UBAP2L: variants seen among roughly 807,000 people sequenced by gnomAD.
The protein encoded by UBAP2L is ubiquitin-associated protein 2-like.
Under a neutral mutation model 130.6 loss-of-function variants are expected in UBAP2L, and 12 were observed. The ratio of observed to expected loss-of-function variants is 0.09; its 90% CI spans 0.06 to 0.15. UBAP2L has a LOEUF of 0.15. Ranked by LOEUF, UBAP2L falls within the 10% of genes least tolerant of loss-of-function variation. UBAP2L has a pLI of 1.00. For missense variants in UBAP2L, 965 were observed against 1,332.5 expected (o/e 0.72, Z 4.29); for synonymous variants, 503 against 524.7 (o/e 0.96, Z 0.57).
At chr1:154,236,653 A>G (rs1317822745) in intron 7 of UBAP2L, 42 bp downstream of exon 7, 1 of 1,609,782 alleles carries the variant, frequency 6.2e-7, no homozygotes, top group Admixed American at 1.7e-5. Flanking sequence ...TTTTCCCTTA[A>G]AAATTACTGT....
At position 154,255,205 on chromosome 1, in the gene UBAP2L, C is replaced by G. The variant is rs1414303060; in HGVS notation, c.1963C>G (p.Pro655Ala). ...SDSPSTSSIP[P>A]LNETVSAASL... Reference sequence around the variant, plus strand: ...TTCACCTTCCACTTCTAGCATCCCCCCTCTCAATGAAACGGTATCTGCAGC... The same window carrying G: ...TTCACCTTCCACTTCTAGCATCCCCGCTCTCAATGAAACGGTATCTGCAGC... The change falls in exon 17 of 27, where the codon CCT becomes GCT. Residue 655 changes from proline (P) to alanine (A), a missense_variant. By Grantham distance (27) the Pro-to-Ala change is conservative (BLOSUM62 -1). Transcript: ENST00000428931. The G allele has an allele frequency of 1.2e-6, 2 of 1,614,056 alleles. No homozygotes were observed. Among genetic ancestry groups the G allele is most frequent in the African/African-American group, 2.7e-5 (2 of 74,922 alleles).
intron 3 of UBAP2L, among the ~76,000 whole-genome samples, chr1:154,228,132 G>A (rs997744215): frequency 2.6e-5 from 4 of 151,692 alleles, no homozygotes; most frequent in Admixed American, 6.6e-5. Flanking sequence ...GGTTGGGGGG[G>A]TGGTTCTGGA....
At chr1:154,258,010 G>T (rs1251484115) in intron 20 of UBAP2L, among the ~76,000 whole-genome samples, 1 of 152,094 alleles carries the variant, frequency 6.6e-6, no homozygotes, top group Non-Finnish European at 1.5e-5. Context: ...TTTTACCCAG[G>T]TTGGAGTACA....
chr1:154,244,760 C>G (rs557489758), intron 10 of UBAP2L, among the ~76,000 whole-genome samples: 1 of 152,268 alleles, frequency 6.6e-6, no homozygotes, highest in South Asian at 2.1e-4. Context: ...ACACAACCTC[C>G]TTGTCCTCTG....
chr1:154,237,760 T>C (rs376443614), intron 8 of UBAP2L, among the ~76,000 whole-genome samples: 1 of 152,186 alleles, frequency 6.6e-6, no homozygotes, highest in East Asian at 1.9e-4. Flanking sequence ...TGTGATGGAG[T>C]ATTCAGGGTT....
At chr1:154,235,115 T>TA (rs1452403287) in intron 5 of UBAP2L, 81 bp from the exon 6 acceptor site, 8 of 688,050 alleles carry the variant, frequency 1.2e-5, no homozygotes, top group Non-Finnish European at 2.1e-5. Flanking sequence ...TATTTGTATA[T>TA]ATCCTGTTGA....
chr1:154,252,179 T>G (rs1030226490), intron 14 of UBAP2L, among the ~76,000 whole-genome samples: 1 of 151,884 alleles, frequency 6.6e-6, no homozygotes, highest in African/African-American at 2.4e-5. Context: ...TTTACCATGT[T>G]GGCCAGGCTG....
At chr1:154,237,441 T>TGA (rs1335618373) in intron 8 of UBAP2L, among the ~76,000 whole-genome samples, 1 of 152,216 alleles carries the variant, frequency 6.6e-6, no homozygotes, top group Non-Finnish European at 1.5e-5. Context: ...AACTCAGCAT[T>TGA]GTTTGACCCT....
At chr1:154,245,776 C>A (rs955896429) in intron 10 of UBAP2L, among the ~76,000 whole-genome samples, 1 of 151,936 alleles carries the variant, frequency 6.6e-6, no homozygotes, top group Non-Finnish European at 1.5e-5. Flanking sequence ...AAAAATTAGC[C>A]GGGCGTGGTG....
rs770312165 is a variant in UBAP2L at position 154,255,668 on chromosome 1, C to T, written c.2085-15C>T. The T allele has an allele frequency of 6.2e-7, 1 of 1,614,054 alleles. No individual in the cohort carries two copies. Among genetic ancestry groups the T allele is most frequent in the Non-Finnish European group, 8.5e-7 (1 of 1,179,968 alleles). On this transcript the variant is annotated splice_polypyrimidine_tract_variant and intron_variant, in intron 17 of 26. Coordinates refer to ENST00000428931, the MANE Select transcript of UBAP2L (RefSeq NM_014847.4). Reference sequence around the variant, plus strand: ...ATAGCACTATGGCTGATGGCAGCCTCTTTTTTTCTGACAGCACGTTATCTA... The same window carrying T: ...ATAGCACTATGGCTGATGGCAGCCTTTTTTTTTCTGACAGCACGTTATCTA...
At chr1:154,234,958 C>T (rs1176479024) in intron 5 of UBAP2L, among the ~76,000 whole-genome samples, 199 bp downstream of exon 5, 2 of 152,094 alleles carry the variant, frequency 1.3e-5, no homozygotes, top group East Asian at 3.9e-4. Context: ...ATGAGATTAC[C>T]CTGTAGTCAT....
chr1:154,231,522 A>G (rs1231197337), intron 4 of UBAP2L, among the ~76,000 whole-genome samples: 1 of 152,006 alleles, frequency 6.6e-6, no homozygotes, highest in Non-Finnish European at 1.5e-5. Context: ...GATGGTCTCT[A>G]ACTCCTGGCC....
chr1:154,254,535 T>C, intron 15 of UBAP2L: 1 of 497,128 alleles, frequency 2.0e-6, no homozygotes, highest in Non-Finnish European at 3.5e-6. Flanking sequence ...AATCACTGGA[T>C]GTGGACTTTG....
intron 20 of UBAP2L, chr1:154,258,670 A>G (rs1180190436): frequency 4.5e-6 from 1 of 221,460 alleles, no homozygotes; most frequent in Non-Finnish European, 9.0e-6. Flanking sequence ...AGAGACAGAG[A>G]CTTGTAGAAT....
intron 24 of UBAP2L, among the ~76,000 whole-genome samples, chr1:154,264,383 G>C (rs1478453998): frequency 6.6e-6 from 1 of 152,180 alleles, no homozygotes; most frequent in Non-Finnish European, 1.5e-5. Flanking sequence ...TAAGTAGGGG[G>C]TGTTGATGTT....
At chr1:154,231,501 A>T (rs1163204395) in intron 4 of UBAP2L, among the ~76,000 whole-genome samples, 1 of 151,884 alleles carries the variant, frequency 6.6e-6, no homozygotes, top group Non-Finnish European at 1.5e-5. Flanking sequence ...GGGTTTTGCC[A>T]TGTTGCCTAG....
At position 154,249,266 on chromosome 1, in the gene UBAP2L, G is replaced by T. The variant is rs760159190; in HGVS notation, c.1042G>T (p.Asp348Tyr). ...GAGCATGTTAGGGAAAGGATTTGGT[G>T]ATGTCGGTGAAGCTAAAGGCGGCAG... ...MVSMLGKGFG[D>Y]VGEAKGGSTT... Residue 348 changes from aspartate (D) to tyrosine (Y), a missense_variant, in exon 12 of 27, where the codon GAT becomes TAT. Physicochemically the swap from Asp to Tyr is radical, Grantham distance 160 (BLOSUM62 -3). Around this residue, in one of 9 missense-constraint regions of UBAP2L, gnomAD observed 99 missense variants for 106.4 expected, o/e 0.93. Coordinates refer to ENST00000428931, the MANE Select transcript of UBAP2L (RefSeq NM_014847.4). 3 of 1,614,028 alleles carry T rather than the reference G, an allele frequency of 1.9e-6. No individual in the cohort carries two copies. The South Asian group carries it at 3.3e-5, about 18-fold the overall frequency.
At chr1:154,248,588 G>A (rs949352120) in intron 11 of UBAP2L, among the ~76,000 whole-genome samples, 7 of 152,114 alleles carry the variant, frequency 4.6e-5, no homozygotes, top group Non-Finnish European at 7.3e-5. Flanking sequence ...AGGCCGAGGC[G>A]GGTGGATCAC....
chr1:154,241,688 C>A, intron 9 of UBAP2L, 123 bp downstream of exon 9: 2 of 1,498,044 alleles, frequency 1.3e-6, no homozygotes, highest in Non-Finnish European at 1.8e-6. Context: ...AAAACTTTTA[C>A]ATCCAAAATA....
Sources: allele counts gnomAD v4.1 joint callset (sites outside exome capture counted in the v4.1 genomes callset), GRCh38; gene constraint gnomAD v4.1.1; regional missense constraint gnomAD v4.1.1; transcripts MANE v1.5; gene names NCBI Gene and HGNC (gene_info 2026-07-23, HGNC 2026-07-21).